MKRN1: variants seen among roughly 807,000 people sequenced by gnomAD.
MKRN1 encodes makorin ring finger protein 1, also known as E3 ubiquitin-protein ligase makorin-1.
A neutral mutation model predicts 55.5 loss-of-function variants in MKRN1; 9 were observed. The ratio of observed to expected loss-of-function variants is 0.16; its 90% CI spans 0.10 to 0.28. The LOEUF (loss-of-function observed/expected upper bound fraction) is 0.28, where lower values mean the gene tolerates loss of function less well. MKRN1 is among the 10% of genes least tolerant of loss of function. The pLI is 1.00. For missense variants in MKRN1, 488 were observed against 626.7 expected (o/e 0.78, Z 2.36); for synonymous variants, 253 against 235.9 (o/e 1.07, Z -0.66).
intron 2 of MKRN1, among the ~76,000 whole-genome samples, chr7:140,466,088 CA>C (rs1348817002): frequency 6.6e-6 from 1 of 151,604 alleles, no homozygotes; most frequent in African/African-American, 2.4e-5. Context: ...TCAAAAAAAA[CA>C]AAAAAAGATA....
At position 140,454,434 on chromosome 7, in the gene MKRN1, G is replaced by A. The variant is rs1331829173; in HGVS notation, c.*83C>T. 4.4e-6 allele frequency: 6 copies of A among 1,354,084 alleles called. No individual in the cohort carries two copies. The highest frequency in any genetic ancestry group is 2.9e-5 in the African/African-American group (2 of 69,312). 83.9% of individuals were successfully genotyped at this position (1,354,084 alleles called of 1,614,324 possible). On this transcript the variant is annotated 3_prime_UTR_variant, in exon 8 of 8. Transcript: ENST00000255977. ...CTGGAGTTGAGAGGCCTGCCTAGGA[G>A]AGAACACAGGCACTGCCACACCACC...
In MKRN1 at chr7:140,470,165, G is replaced by A. The variant is rs1029692998; in HGVS notation, c.314+1718C>T. Reference sequence around the variant, plus strand: ...GAACGCGGGAGGCAGAGGTTGCAGTGAGCTGAGATCATGCCATTGCACTCC... The same window carrying A: ...GAACGCGGGAGGCAGAGGTTGCAGTAAGCTGAGATCATGCCATTGCACTCC... On this transcript the variant is annotated intron_variant, in intron 2 of 7. Transcript: ENST00000255977. 4.6e-5 allele frequency among the ~76,000 whole-genome samples: 7 copies of A among 151,124 alleles called. No homozygotes were observed. The East Asian group carries it at 5.8e-4, about 13-fold the overall frequency.
At chr7:140,467,824 G>GA (rs1236907507) in intron 2 of MKRN1, among the ~76,000 whole-genome samples, 2 of 151,646 alleles carry the variant, frequency 1.3e-5, no homozygotes, top group Non-Finnish European at 2.9e-5. Flanking sequence ...CCAACACGGA[G>GA]AAACCCCGCC....
chr7:140,473,431 G>A lies in MKRN1; in HGVS notation c.186-1420C>T, dbSNP rs112863893. 378 of 292,756 alleles carry A rather than the reference G, an allele frequency of 1.3e-3. 10 individuals carry two copies. Among genetic ancestry groups the A allele is most frequent in the South Asian group, 9.9e-3 (337 of 34,046 alleles). 18.1% of individuals were successfully genotyped at this position (292,756 alleles called of 1,614,324 possible). Reference sequence around the variant, plus strand: ...AACATAGAGAACAAGAAACTGCCAAGTTACCCTGTAAGGGTACAAGAGAAC... The same window carrying A: ...AACATAGAGAACAAGAAACTGCCAAATTACCCTGTAAGGGTACAAGAGAAC... On this transcript the variant is annotated intron_variant, in intron 1 of 7. Transcript: ENST00000255977.
intron 2 of MKRN1, among the ~76,000 whole-genome samples, chr7:140,466,904 C>A (rs1039187975): frequency 2.0e-5 from 3 of 150,952 alleles, no homozygotes; most frequent in Admixed American, 2.0e-4. Flanking sequence ...CTAACCTGGG[C>A]AAGAGGGCAA....
intron 2 of MKRN1, among the ~76,000 whole-genome samples, chr7:140,467,467 G>A (rs1363163760): frequency 6.6e-6 from 1 of 151,716 alleles, no homozygotes; most frequent in Admixed American, 6.6e-5. Flanking sequence ...CAGTAGAGAC[G>A]AGGTTTAACC....
At chr7:140,469,781 G>A (rs939047482) in intron 2 of MKRN1, among the ~76,000 whole-genome samples, 5 of 151,760 alleles carry the variant, frequency 3.3e-5, no homozygotes, top group South Asian at 2.1e-4. Context: ...GGTGTGGGCC[G>A]GGCGCGGTGG....
intron 2 of MKRN1, among the ~76,000 whole-genome samples, chr7:140,470,980 G>C (rs1243108532): frequency 6.6e-6 from 1 of 151,948 alleles, no homozygotes; most frequent in Non-Finnish European, 1.5e-5. Context: ...CTAAAATTTT[G>C]ACTGCCATCT....
intron 1 of MKRN1, chr7:140,478,324 G>T (rs1379650613): frequency 6.6e-6 from 1 of 152,114 alleles, no homozygotes; most frequent in African/African-American, 2.4e-5. Flanking sequence ...CCATACAACC[G>T]CCATCCCTTA....
intron 2 of MKRN1, among the ~76,000 whole-genome samples, chr7:140,465,671 CCT>C (rs1226206784): frequency 2.0e-5 from 3 of 152,246 alleles, no homozygotes; most frequent in African/African-American, 7.2e-5. Flanking sequence ...TGCAGAAAAT[CCT>C]CTCAACTGTT....
At chr7:140,468,471 C>T (rs995641172) in intron 2 of MKRN1, among the ~76,000 whole-genome samples, 3 of 149,888 alleles carry the variant, frequency 2.0e-5, no homozygotes, top group South Asian at 2.1e-4. Flanking sequence ...GAGGCCGAGG[C>T]AGGTGGATCA....
intron 2 of MKRN1, among the ~76,000 whole-genome samples, chr7:140,462,120 T>C (rs1421615090): frequency 1.3e-5 from 2 of 152,152 alleles, no homozygotes; most frequent in Non-Finnish European, 2.9e-5. Flanking sequence ...CTCGACCTCC[T>C]GGGCTCAAGC....
chr7:140,479,318 T>C lies in MKRN1; in HGVS notation c.27A>G (p.Thr9=). ...CTCCTGCTCCTGATGTTGTGGCTGT[T>C]GTTCCGGGAGTTGCAGCCTCCGCCA... is the stretch of plus-strand genomic sequence containing the variant. MAEAATPG[T]TATTSGAGAA... Residue 9 remains threonine (T), a synonymous_variant, in exon 1 of 8, where the codon ACA becomes ACG. Transcript: ENST00000255977. 1 of 1,316,622 alleles carries C rather than the reference T, an allele frequency of 7.6e-7. No homozygotes were observed. 81.6% of individuals were successfully genotyped at this position (1,316,622 alleles called of 1,614,324 possible).
At position 140,459,762 on chromosome 7, in the gene MKRN1, T is replaced by C. The variant is rs142029587; in HGVS notation, c.489A>G (p.Ser163=). Residue 163 remains serine, a synonymous_variant, in exon 3 of 8, where the codon TCA becomes TCG. Transcript: ENST00000255977. ...ACTCAATAGCATTCACCCAGTCCTC[T>C]GAACCTGCTCCTACAGTTGCAAAGT... ...NSNFATVGAG[S]EDWVNAIEFV... The C allele has an allele frequency of 1.2e-6, 2 of 1,613,848 alleles. No homozygotes were observed. The highest frequency in any genetic ancestry group is 1.7e-5 in the Admixed American group (1 of 59,984).
intron 1 of MKRN1, among the ~76,000 whole-genome samples, chr7:140,473,992 CAAA>C (rs750043239): frequency 1.2e-3 from 18 of 15,200 alleles, no homozygotes; most frequent in East Asian, 2.4e-3. Context: ...AACTCCGTCT[CAAA>C]AAAAAAAAAA....
chr7:140,461,071 G>C (rs1340540428), intron 2 of MKRN1, among the ~76,000 whole-genome samples: 1 of 152,146 alleles, frequency 6.6e-6, no homozygotes, highest in African/African-American at 2.4e-5. Context: ...AAACCCTGCA[G>C]GCAAAACTGA....
Position 140,454,317 on chromosome 7 carries a change from T to C in MKRN1, c.*200A>G. 1.7e-6 allele frequency: 1 copy of C among 598,254 alleles called. No homozygotes were observed. Among genetic ancestry groups the C allele is most frequent in the Non-Finnish European group, 3.0e-6 (1 of 337,296 alleles). The allele number at this position is 598,254 out of a possible 1,614,324, so 37.1% of individuals were successfully genotyped here. A position where few individuals can be genotyped will look rare whatever the true frequency, so the allele number is the denominator to read the frequency against. ...AAACTAACTTTAAGATTTATTTTTG[T>C]AACTTTTTTCAACAGGGAAAACAAC... On this transcript the variant is annotated 3_prime_UTR_variant, in exon 8 of 8. Transcript: ENST00000255977.
At chr7:140,463,899 TAAA>T (rs1794698069) in intron 2 of MKRN1, among the ~76,000 whole-genome samples, 1 of 150,850 alleles carries the variant, frequency 6.6e-6, no homozygotes, top group Non-Finnish European at 1.5e-5. Flanking sequence ...AAAAAAAAAA[TAAA>T]AAGAAATCCA....
chr7:140,479,049 C>T (rs1396117943), intron 1 of MKRN1, 111 bp downstream of exon 1: 15 of 1,203,326 alleles, frequency 1.2e-5, no homozygotes. Context: ...ACGCCGGTCC[C>T]CGCCCTCCCG....
Sources: gnomAD v4.1 joint callset for allele counts (sites outside exome capture counted in the v4.1 genomes callset) on GRCh38, gnomAD v4.1.1 for gene constraint, MANE v1.5 for transcripts, NCBI Gene and HGNC (gene_info 2026-07-23, HGNC 2026-07-21) for gene names.